MICU3: variants seen among roughly 807,000 people sequenced by gnomAD.
MICU3 encodes mitochondrial calcium uptake 3, also known as calcium uptake protein 3, mitochondrial.
MICU3 carries 62 observed loss-of-function variants against 66.5 expected under a neutral mutation model. The observed-to-expected ratio is 0.93, with a 90% CI of 0.76 to 1.15. The LOEUF is 1.15. Ranked by LOEUF, MICU3 falls within the 50% of genes most tolerant of loss-of-function variation. MICU3 has a pLI of 0.00. For synonymous variants in MICU3, 308 were observed against 240.7 expected, an observed-to-expected ratio of 1.28 and a Z score of -2.59; for missense variants, 779 against 664.4, an observed-to-expected ratio of 1.17 and a Z score of -1.90.
At chr8:17,135,490 A>C in the MICU3 span, among the ~76,000 whole-genome samples, 14 of 152,160 alleles carry the variant, frequency 9.2e-5, no homozygotes, top group South Asian at 6.2e-4. Flanking sequence ...TCAGCACTTA[A>C]CTGAACTCTT....
chr8:17,079,622 A>G (rs1382499206), intron 4 of MICU3, among the ~76,000 whole-genome samples: 1 of 151,806 alleles, frequency 6.6e-6, no homozygotes, highest in Non-Finnish European at 1.5e-5. Flanking sequence ...GGCTCATTGC[A>G]GCCTTGACCT....
intron 11 of MICU3, among the ~76,000 whole-genome samples, chr8:17,112,701 G>T (rs1423442795): frequency 2.0e-5 from 3 of 152,176 alleles, no homozygotes; most frequent in Admixed American, 6.5e-5. Flanking sequence ...TCTCATGTCT[G>T]CCCCCCAATA....
chr8:17,058,413 G>GT, intron 1 of MICU3, among the ~76,000 whole-genome samples: 1 of 152,156 alleles, frequency 6.6e-6, no homozygotes, highest in African/African-American at 2.4e-5. Context: ...GGCCATATTT[G>GT]TTTTTTAAAA....
At chr8:17,061,777 C>A (rs1234452663) in intron 1 of MICU3, among the ~76,000 whole-genome samples, 1 of 152,004 alleles carries the variant, frequency 6.6e-6, no homozygotes. Flanking sequence ...AAGAAGAAAC[C>A]CTGAGATATG....
intron 1 of MICU3, among the ~76,000 whole-genome samples, chr8:17,040,475 G>T (rs1026366746): frequency 1.3e-5 from 2 of 152,140 alleles, no homozygotes; most frequent in African/African-American, 4.8e-5. Context: ...CACCCTAACA[G>T]AAGGGGAAAA....
At chr8:17,070,341 A>T (rs1045593379) in intron 3 of MICU3, among the ~76,000 whole-genome samples, 1 of 152,150 alleles carries the variant, frequency 6.6e-6, no homozygotes, top group African/African-American at 2.4e-5. Context: ...AATAAGTCTC[A>T]GAAACATGAT....
At chr8:17,074,823 A>G (rs1046973859) in intron 3 of MICU3, among the ~76,000 whole-genome samples, 3 of 152,152 alleles carry the variant, frequency 2.0e-5, no homozygotes, top group African/African-American at 4.8e-5. Flanking sequence ...CTATAATTCT[A>G]GGAGACTGAC....
At chr8:17,038,769 C>T (rs185386467) in intron 1 of MICU3, among the ~76,000 whole-genome samples, 49 of 152,026 alleles carry the variant, frequency 3.2e-4, no homozygotes, top group South Asian at 1.7e-3. Flanking sequence ...CTGGCTAACA[C>T]GGTGAAACCC....
intron 9 of MICU3, among the ~76,000 whole-genome samples, chr8:17,100,990 C>A (rs1801207607): frequency 1.3e-5 from 2 of 151,872 alleles, no homozygotes; most frequent in South Asian, 4.2e-4. Flanking sequence ...TCAAAAACTT[C>A]ATTAACAAAA....
chr8:17,056,568 CAG>C (rs1816963622), intron 1 of MICU3, among the ~76,000 whole-genome samples: 2 of 152,260 alleles, frequency 1.3e-5, no homozygotes, highest in South Asian at 4.1e-4. Context: ...AATACGTAAA[CAG>C]ATAATTGCAA....
intron 4 of MICU3, among the ~76,000 whole-genome samples, chr8:17,080,754 A>C (rs564785054): frequency 6.6e-6 from 1 of 152,252 alleles, no homozygotes; most frequent in East Asian, 1.9e-4. Flanking sequence ...TCTCTGACAA[A>C]CTGCCTGACA....
rs1466281907 is a variant in MICU3, at chr8:17,120,492, T to TA, written c.*206dup. ...ATCTTGTTACTACAAATGTTATATA[T>TA]ATAAAATCAAGTTGAGCTTTGCCTT... is the stretch of plus-strand genomic sequence containing the variant. On this transcript the variant is annotated 3_prime_UTR_variant, in exon 15 of 15. Transcript: ENST00000318063. The TA allele has an allele frequency of 6.6e-6, 1 of 152,124 alleles. No homozygotes were observed. The highest frequency in any genetic ancestry group is 1.5e-5 in the Non-Finnish European group (1 of 67,956). The allele number at this position is 152,124 out of a possible 1,614,324, so 9.4% of individuals were successfully genotyped here.
chr8:17,125,308 A>G (rs937925904), downstream of MICU3, among the ~76,000 whole-genome samples: 1 of 149,496 alleles, frequency 6.7e-6, no homozygotes, highest in African/African-American at 2.5e-5. Context: ...TTCTTGTTTC[A>G]TCTATTATCT....
intron 1 of MICU3, among the ~76,000 whole-genome samples, chr8:17,032,270 C>T (rs1017715227): frequency 2.6e-5 from 4 of 152,030 alleles, no homozygotes; most frequent in Non-Finnish European, 4.4e-5. Flanking sequence ...TGGCTTTGGC[C>T]TTTATTTATA....
At chr8:17,078,737 G>T (rs1440707465) in intron 4 of MICU3, among the ~76,000 whole-genome samples, 2 of 152,002 alleles carry the variant, frequency 1.3e-5, no homozygotes, top group African/African-American at 4.8e-5. Context: ...GAATTAGAAA[G>T]TTCATATTGC....
intron 1 of MICU3, among the ~76,000 whole-genome samples, chr8:17,059,118 A>G (rs1397318909): frequency 4.6e-5 from 7 of 152,222 alleles, no homozygotes; most frequent in African/African-American, 1.7e-4. Context: ...GAAACTATAT[A>G]AGCTTAAAAG....
chr8:17,124,429 T>A (rs1329645608), downstream of MICU3, among the ~76,000 whole-genome samples: 1 of 152,112 alleles, frequency 6.6e-6, no homozygotes, highest in Non-Finnish European at 1.5e-5. Context: ...GCATGGTTAA[T>A]ATATTTAAAT....
rs575361187 is a variant in MICU3 at position 17,105,895 on chromosome 8, T to A, written c.1257+311T>A. Among the ~76,000 whole-genome samples, 42 of 152,168 alleles carry A rather than the reference T, an allele frequency of 2.8e-4. No homozygotes were observed. In the South Asian group the frequency reaches 4.1e-3, roughly 15 times the overall value. On this transcript the variant is annotated intron_variant, in intron 11 of 14. Transcript: ENST00000318063. The stretch of plus-strand genomic sequence containing the variant: ...CTCTATGCTTTGACTACTACCTAAA[T>A]ACCACCTCATAAAAAACAGTTTATG...
chr8:17,127,164 A>G (rs890431898), downstream of MICU3, among the ~76,000 whole-genome samples: 3 of 152,182 alleles, frequency 2.0e-5, no homozygotes, highest in African/African-American at 7.2e-5. Flanking sequence ...GTGCTATAAG[A>G]GTTAAATATT....
Sources: gnomAD v4.1 joint callset for allele counts (sites outside exome capture counted in the v4.1 genomes callset) on GRCh38, gnomAD v4.1.1 for gene constraint, MANE v1.5 for transcripts, NCBI Gene and HGNC (gene_info 2026-07-23, HGNC 2026-07-21) for gene names.